BCAR1: variants seen among roughly 807,000 people sequenced by gnomAD.
The protein encoded by BCAR1 is BCAR1 scaffold protein, Cas family member, also known as breast cancer anti-estrogen resistance protein 1.
Under a neutral mutation model 67.6 loss-of-function variants are expected in BCAR1, and 30 were observed. The ratio of observed to expected loss-of-function variants is 0.44; its 90% CI spans 0.33 to 0.60. The LOEUF (loss-of-function observed/expected upper bound fraction) is 0.60, where lower values mean the gene tolerates loss of function less well. Ranked by LOEUF, BCAR1 falls within the 20% of genes least tolerant of loss-of-function variation. BCAR1 has a pLI of 0.02. For synonymous variants in BCAR1, 626 were observed against 556.7 expected, an observed-to-expected ratio of 1.12 and a Z score of -1.75; for missense variants, 1,313 against 1,222.3, an observed-to-expected ratio of 1.07 and a Z score of -1.11.
chr16:75,229,849 T>A lies in BCAR1; in HGVS notation c.2275A>T (p.Thr759Ser). The A allele has an allele frequency of 6.2e-7, 1 of 1,613,362 alleles. No homozygotes were observed. Among genetic ancestry groups the A allele is most frequent in the Non-Finnish European group, 8.5e-7 (1 of 1,179,992 alleles). The change falls in exon 7 of 7, where the codon ACC (threonine) becomes TCC (serine). Residue 759 changes from threonine (T) to serine (S), a missense_variant. By Grantham distance (58) the Thr-to-Ser change is moderately conservative. Coordinates refer to ENST00000162330, the MANE Select transcript of BCAR1 (RefSeq NM_014567.5). ...EQCEANLTTL[T>S]NAVDAFFTAV... ...GTAAAGAAGGCGTCCACGGCGTTGGTCAGTGTGGTCAGGTTGGCCTCACAC... is the reference window on the plus strand; with the variant it reads ...GTAAAGAAGGCGTCCACGGCGTTGGACAGTGTGGTCAGGTTGGCCTCACAC...
Position 75,242,481 on chromosome 16 carries a change from G to A in BCAR1, c.622C>T (p.Pro208Ser), listed in dbSNP as rs757490454. 11 of 1,453,098 alleles carry A rather than the reference G, an allele frequency of 7.6e-6. No homozygotes were observed. Among genetic ancestry groups the A allele is most frequent in the East Asian group, 2.5e-5 (1 of 39,374 alleles). The allele number at this position is 1,453,098 out of a possible 1,614,324, so 90.0% of individuals were successfully genotyped here. A position where few individuals can be genotyped will look rare whatever the true frequency, so the allele number is the denominator to read the frequency against. Residue 208 changes from proline (P) to serine (S), a missense_variant, in exon 2 of 7, where the codon CCC becomes TCC. This residue lies in a region of BCAR1 where 1,272 missense variants were observed against 1,137.5 expected (regional missense o/e 1.12). Coordinates refer to ENST00000162330, the MANE Select transcript of BCAR1 (RefSeq NM_014567.5). The stretch of plus-strand genomic sequence containing the variant: ...CAGGACAGCCTTACCTTTGCCGGGG[G>A]CTTCGTGCCCTCCCAGCTGCGTGTG... ...MDTRSWEGTKPPAKVVVPTRV... is the reference protein window; with the variant it reads ...MDTRSWEGTKSPAKVVVPTRV...
chr16:75,238,535 C>T (rs1401395474), intron 2 of BCAR1: 4 of 991,806 alleles, frequency 4.0e-6, no homozygotes, highest in South Asian at 4.5e-5. Flanking sequence ...GTGAGGGGGG[C>T]GCTGAGCATG....
At position 75,242,784 on chromosome 16, in the gene BCAR1, A is replaced by G. The variant is rs1309595347; in HGVS notation, c.319T>C (p.Tyr107His). ...SQYTPMLPNT[Y>H]QPQPDSVYLV... ...TAGACGCTGTCTGGCTGGGGCTGGT[A>G]GGTGTTGGGGAGCATGGGCGTGTAC... Residue 107 changes from tyrosine to histidine, a missense_variant, in exon 2 of 7, where the codon TAC becomes CAC. Physicochemically the swap from Tyr to His is moderately conservative, Grantham distance 83 (BLOSUM62 2). Around this residue, in one of 2 missense-constraint regions of BCAR1, gnomAD observed 1,272 missense variants for 1,137.5 expected, o/e 1.12. Transcript: ENST00000162330. 6.3e-7 allele frequency: 1 copy of G among 1,598,066 alleles called. No homozygotes were observed. The highest frequency in any genetic ancestry group is 1.1e-5 in the South Asian group (1 of 88,758).
chr16:75,243,207 A>G (rs568634095), intron 1 of BCAR1, 117 bp from the exon 2 acceptor site: 5 of 1,133,768 alleles, frequency 4.4e-6, no homozygotes, highest in Non-Finnish European at 6.2e-6. Flanking sequence ...AAAAGAACTC[A>G]GTGGAGTTTG....
At chr16:75,238,967 A>T (rs1296160521) in intron 2 of BCAR1, 1 of 985,062 alleles carries the variant, frequency 1.0e-6, no homozygotes, top group Admixed American at 6.2e-5. Flanking sequence ...CTCCAAAAGC[A>T]CCCTGCCGGT....
At chr16:75,234,843 C>T in intron 5 of BCAR1, 46 bp downstream of exon 5, 1 of 1,514,500 alleles carries the variant, frequency 6.6e-7, no homozygotes. Context: ...AGCACAGGAG[C>T]CCAGCGTGGC....
chr16:75,235,282 G>A lies in BCAR1; in HGVS notation c.1617C>T (p.Ala539=). Residue 539 remains alanine, a synonymous_variant, in exon 5 of 7, where the codon GCC becomes GCT. Coordinates refer to ENST00000162330, the MANE Select transcript of BCAR1 (RefSeq NM_014567.5). ...AAHTSDRALH[A]KLSRQLQKME... is the part of the protein sequence containing the mutation. ...TCTTCTGCAGCTGCCGGCTAAGCTTGGCATGCAGGGCACGGTCAGATGTGT... is the reference window on the plus strand; with the variant it reads ...TCTTCTGCAGCTGCCGGCTAAGCTTAGCATGCAGGGCACGGTCAGATGTGT... 6.2e-7 allele frequency: 1 copy of A among 1,606,158 alleles called. No homozygotes were observed. Among genetic ancestry groups the A allele is most frequent in the Non-Finnish European group, 8.5e-7 (1 of 1,174,692 alleles).
intron 6 of BCAR1, among the ~76,000 whole-genome samples, chr16:75,231,683 A>G (rs2076906333): frequency 6.6e-6 from 1 of 152,184 alleles, no homozygotes; most frequent in South Asian, 2.1e-4. Flanking sequence ...ATACGTGCAA[A>G]GACTAGTATT....
chr16:75,240,382 A>G (rs1401137289), intron 2 of BCAR1, among the ~76,000 whole-genome samples: 1 of 152,182 alleles, frequency 6.6e-6, no homozygotes, highest in Non-Finnish European at 1.5e-5. Context: ...ACCGTAATGA[A>G]GGCATGAGCA....
chr16:75,229,332 A>AT lies in BCAR1; in HGVS notation c.*178dup, dbSNP rs1484742138. The AT allele has an allele frequency of 4.7e-6, 5 of 1,059,158 alleles. No homozygotes were observed. Among genetic ancestry groups the AT allele is most frequent in the Non-Finnish European group, 6.5e-6 (5 of 773,464 alleles). The allele number at this position is 1,059,158 out of a possible 1,614,324, so 65.6% of individuals were successfully genotyped here. A position where few individuals can be genotyped will look rare whatever the true frequency, so the allele number is the denominator to read the frequency against. Reference sequence around the variant, plus strand: ...CCTGGGCTTCGGCTCCTGAGGAGGCATGGCCCCACACCCTGCCCGGCCATA... The same window carrying AT: ...CCTGGGCTTCGGCTCCTGAGGAGGCATTGGCCCCACACCCTGCCCGGCCATA... On this transcript the variant is annotated 3_prime_UTR_variant, in exon 7 of 7. Transcript: ENST00000162330.
intron 1 of BCAR1, chr16:75,266,477 C>A (rs2078011209): frequency 2.9e-6 from 1 of 346,210 alleles, no homozygotes; most frequent in Admixed American, 4.8e-5. Context: ...CTCCTGGGCC[C>A]ACCCTCAGCC....
At chr16:75,257,810 T>G (rs865996357) in intron 1 of BCAR1, among the ~76,000 whole-genome samples, 7 of 152,224 alleles carry the variant, frequency 4.6e-5, no homozygotes, top group Admixed American at 2.0e-4. Context: ...CTAGGCTGGG[T>G]GTCCCACTGG....
exon 1 of BCAR1, chr16:75,267,930 C>T (rs767093114): frequency 8.1e-6 from 13 of 1,602,808 alleles, no homozygotes; most frequent in South Asian, 5.6e-5. Context: ...GGCAGGGATC[C>T]TTGGGTGTGG....
Position 75,236,001 on chromosome 16 carries a change from G to T in BCAR1, c.913-15C>A, listed in dbSNP as rs750642190. On this transcript the variant is annotated splice_polypyrimidine_tract_variant and intron_variant, in intron 4 of 6. Transcript: ENST00000162330. The stretch of plus-strand genomic sequence containing the variant: ...ACGTCGTAGACCTGGGGGACAAGCG[G>T]TGGTCAAGACTGTCCATCTGTCCAT... 3 of 1,558,572 alleles carry T rather than the reference G, an allele frequency of 1.9e-6. No homozygotes were observed. Among genetic ancestry groups the T allele is most frequent in the Non-Finnish European group, 2.6e-6 (3 of 1,151,554 alleles).
rs887779714 is a variant in BCAR1, at chr16:75,235,879, G to A, written c.1020C>T (p.Asp340=). The A allele has an allele frequency of 3.8e-6, 6 of 1,563,218 alleles. No homozygotes were observed. The highest frequency in any genetic ancestry group is 1.7e-4 in the Middle Eastern group (1 of 6,020). Reference sequence around the variant, plus strand: ...CCAGTACCAGTGGGGTGCGGGCCGGGTCAAAGGGCTTGGCCTTGGCGAAGG... The same window carrying A: ...CCAGTACCAGTGGGGTGCGGGCCGGATCAAAGGGCTTGGCCTTGGCGAAGG... ...PPAFAKAKPF[D]PARTPLVLAA... The change falls in exon 5 of 7, where the codon GAC becomes GAT. Residue 340 remains aspartate (D), a synonymous_variant. Coordinates refer to ENST00000162330, the MANE Select transcript of BCAR1 (RefSeq NM_014567.5).
chr16:75,252,512 A>G, upstream of BCAR1: 1 of 1,096,702 alleles, frequency 9.1e-7, no homozygotes, highest in Non-Finnish European at 1.2e-6. Context: ...CTGTCACCCC[A>G]TGCAGCAGAA....
chr16:75,261,823 CCT>C lies in BCAR1; in HGVS notation c.66+6090_66+6091del, dbSNP rs574160687. 1.9e-4 allele frequency among the ~76,000 whole-genome samples: 29 copies of C among 152,374 alleles called. No homozygotes were observed. The South Asian group carries it at 5.0e-3, about 26-fold the overall frequency. On this transcript the variant is annotated intron_variant, in intron 1 of 6. Coordinates refer to the BCAR1 transcript ENST00000393422. ...GCCAATCAGCCTGGGTCCAGCCCAGCCTCCTCCCCACGCTGGCTGCCCAGGAG... is the reference window on the plus strand; with the variant it reads ...GCCAATCAGCCTGGGTCCAGCCCAGCCCTCCCCACGCTGGCTGCCCAGGAG...
Position 75,230,039 on chromosome 16 carries a change from A to C in BCAR1, c.2101-16T>G. The stretch of plus-strand genomic sequence containing the variant: ...ACTGCTTCAGCTGGGGCAGGAGGGA[A>C]GCAGGAGCAGGGTTAGGCTCTCGGG... On this transcript the variant is annotated splice_polypyrimidine_tract_variant and intron_variant, in intron 6 of 6. Coordinates refer to ENST00000162330, the MANE Select transcript of BCAR1 (RefSeq NM_014567.5). The C allele has an allele frequency of 6.6e-7, 1 of 1,523,330 alleles. No homozygotes were observed. The highest frequency in any genetic ancestry group is 1.3e-5 in the South Asian group (1 of 76,310). The allele number at this position is 1,523,330 out of a possible 1,614,324, so 94.4% of individuals were successfully genotyped here. A position where few individuals can be genotyped will look rare whatever the true frequency, so the allele number is the denominator to read the frequency against.
At chr16:75,251,742 G>A, upstream of BCAR1, 1 of 956,572 alleles carries the variant, frequency 1.0e-6, no homozygotes, top group Non-Finnish European at 1.2e-6. Context: ...TGTCGGGGGC[G>A]CGGGCGCGCA....
Sources: gnomAD v4.1 joint callset for allele counts (sites outside exome capture counted in the v4.1 genomes callset) on GRCh38, gnomAD v4.1.1 for gene constraint, gnomAD v4.1.1 regional missense constraint, MANE v1.5 for transcripts, NCBI Gene and HGNC (gene_info 2026-07-23, HGNC 2026-07-21) for gene names.